Variants in C1orf210 observed in about 807,000 individuals in gnomAD.
C1orf210 encodes chromosome 1 open reading frame 210.
C1orf210 carries 3 observed loss-of-function variants against 3.7 expected under a neutral mutation model. The observed-to-expected ratio is 0.81, with a 90% CI of 0.37 to 2.08. The LOEUF is 2.08. Ranked by LOEUF, C1orf210 falls within the 30% of genes most tolerant of loss-of-function variation. The probability of loss-of-function intolerance (pLI) is 0.06; values close to 1 mark genes in which losing one functional copy is unlikely to be tolerated. For synonymous variants in C1orf210, 62 were observed against 61.7 expected, an observed-to-expected ratio of 1.00 and a Z score of -0.02; for missense variants, 143 against 147.7, an observed-to-expected ratio of 0.97 and a Z score of 0.17.
intron 1 of C1orf210, among the ~76,000 whole-genome samples, chr1:43,284,888 G>A (rs371897493): frequency 2.0e-5 from 3 of 152,178 alleles, no homozygotes; most frequent in East Asian, 3.9e-4. Context: ...GGTTGTCCCT[G>A]GACCTACCCT....
Position 43,283,040 on chromosome 1 carries a change from C to A in C1orf210, c.87G>T (p.Arg29=). 6.2e-7 allele frequency: 1 copy of A among 1,614,102 alleles called. No homozygotes were observed. Among genetic ancestry groups the A allele is most frequent in the Non-Finnish European group, 8.5e-7 (1 of 1,179,964 alleles). The change falls in exon 3 of 3, where the codon CGG becomes CGT. Residue 29 remains arginine (R), a synonymous_variant. Coordinates refer to ENST00000523677, the MANE Select transcript of C1orf210 (RefSeq NM_182517.3). ...CAAATCCTACCAGCACAGGCCATGC[C>A]CGAGCCCCAGTGCCTGGGCCAGGGG... ...AVAPGPGTGA[R]AWPVLVGFVL...
At chr1:43,284,099 C>A (rs895189496) in intron 1 of C1orf210, among the ~76,000 whole-genome samples, 1 of 152,158 alleles carries the variant, frequency 6.6e-6, no homozygotes, top group Non-Finnish European at 1.5e-5. Context: ...AAATTATCAC[C>A]CAGGGCTGGG....
upstream of C1orf210, among the ~76,000 whole-genome samples, chr1:43,285,836 G>T (rs948719036): frequency 1.4e-4 from 21 of 152,246 alleles, no homozygotes; most frequent in Admixed American, 1.3e-3. Context: ...CGTCCAGCGG[G>T]CCCTAGAGGG....
At chr1:43,285,735 C>G (rs1646576003), upstream of C1orf210, 1 of 152,314 alleles carries the variant, frequency 6.6e-6, no homozygotes. Context: ...AATTCTACCT[C>G]TCCCCCAAGC....
chr1:43,282,899 G>T lies in C1orf210; in HGVS notation c.228C>A (p.Gly76=), dbSNP rs1646555626. ...HRPLPETGRG[G]RPQVAEDEDD... ...CCTCATCTTCAGCCACCTGTGGGCG[G>T]CCTCCCCTTCCTGTCTCAGGCAGTG... The change falls in exon 3 of 3, where the codon GGC becomes GGA. Residue 76 remains glycine (G), a synonymous_variant. Transcript: ENST00000523677. The T allele has an allele frequency of 1.9e-6, 3 of 1,613,988 alleles. No individual in the cohort carries two copies. Among genetic ancestry groups the T allele is most frequent in the Non-Finnish European group, 2.5e-6 (3 of 1,179,960 alleles).
intron 1 of C1orf210, among the ~76,000 whole-genome samples, chr1:43,284,491 T>C (rs1206485692): frequency 1.3e-5 from 2 of 151,984 alleles, no homozygotes; most frequent in African/African-American, 4.8e-5. Flanking sequence ...TAAACATCTC[T>C]GGAATGACAA....
intron 1 of C1orf210, among the ~76,000 whole-genome samples, chr1:43,284,953 T>C (rs746914046): frequency 3.4e-4 from 51 of 152,220 alleles, no homozygotes; most frequent in Non-Finnish European, 5.1e-4. Flanking sequence ...CAGTCATTGC[T>C]AGGCGGGCAG....
At position 43,281,926 on chromosome 1, in the gene C1orf210, AC is replaced by A. The variant is rs1174143358; in HGVS notation, c.*858del. ...ATAGATTTATTAATTCCTGTGAAAA[AC>A]ATATTATAACCGGATTACCCACTTT... On this transcript the variant is annotated 3_prime_UTR_variant, in exon 3 of 3. Coordinates refer to ENST00000523677, the MANE Select transcript of C1orf210 (RefSeq NM_182517.3). 1 of 152,130 alleles carries A rather than the reference AC, an allele frequency of 6.6e-6. No homozygotes were observed. The highest frequency in any genetic ancestry group is 2.4e-5 in the African/African-American group (1 of 41,416). 9.4% of individuals were successfully genotyped at this position (152,130 alleles called of 1,614,324 possible). A position where few individuals can be genotyped will look rare whatever the true frequency, so the allele number is the denominator to read the frequency against.
chr1:43,283,517 A>G, intron 1 of C1orf210, 149 bp from the exon 2 acceptor site: 1 of 458,784 alleles, frequency 2.2e-6, no homozygotes. Context: ...AGCTGAGCCT[A>G]CAGAAACTGG....
At position 43,281,904 on chromosome 1, in the gene C1orf210, GATTT is replaced by G. The variant is rs926376215; in HGVS notation, c.*877_*880del. On this transcript the variant is annotated 3_prime_UTR_variant, in exon 3 of 3. Transcript: ENST00000523677. ...TTTATTTTTATTCAAAATGAAAATA[GATTT>G]ATTAATTCCTGTGAAAAACATATTA... 16 of 152,234 alleles carry G rather than the reference GATTT, an allele frequency of 1.1e-4. No homozygotes were observed. Among genetic ancestry groups the G allele is most frequent in the African/African-American group, 3.9e-4 (16 of 41,544 alleles). 9.4% of individuals were successfully genotyped at this position (152,234 alleles called of 1,614,324 possible).
In C1orf210 at chr1:43,282,893, TG is replaced by T. The variant is rs777202742; in HGVS notation, c.233del (p.Pro78HisfsTer50). ...PLPETGRGGR[P>X]QVAEDEDDDG... is the part of the protein sequence containing the mutation. Reference sequence around the variant, plus strand: ...CATCATCCTCATCTTCAGCCACCTGTGGGCGGCCTCCCCTTCCTGTCTCAGG... The same window carrying T: ...CATCATCCTCATCTTCAGCCACCTGTGGCGGCCTCCCCTTCCTGTCTCAGG... On this transcript the variant is annotated frameshift_variant, in exon 3 of 3. Transcript: ENST00000523677. LOFTEE classifies it high-confidence loss of function. The T allele has an allele frequency of 1.2e-6, 2 of 1,614,138 alleles. No homozygotes were observed. Among genetic ancestry groups the T allele is most frequent in the Admixed American group, 3.3e-5 (2 of 60,020 alleles).
intron 2 of C1orf210, 53 bp downstream of exon 2, chr1:43,283,199 C>G: frequency 6.2e-7 from 1 of 1,603,514 alleles, no homozygotes; most frequent in South Asian, 1.1e-5. Flanking sequence ...TCCCCCAACC[C>G]CAGCATCTAA....
intron 1 of C1orf210, among the ~76,000 whole-genome samples, chr1:43,284,347 G>A (rs1410169508): frequency 7.2e-5 from 11 of 152,106 alleles, no homozygotes; most frequent in Non-Finnish European, 1.5e-4. Context: ...TGGGGGCAGA[G>A]TAGCCGGGCT....
chr1:43,283,814 C>T (rs933952674), intron 1 of C1orf210, among the ~76,000 whole-genome samples: 3 of 152,066 alleles, frequency 2.0e-5, no homozygotes, highest in East Asian at 1.9e-4. Context: ...TCCTGGCTCC[C>T]GAAGGTCAGA....
At position 43,283,080 on chromosome 1, in the gene C1orf210, G is replaced by A. The variant is rs780374314; in HGVS notation, c.47C>T (p.Thr16Ile). 2.2e-5 allele frequency: 35 copies of A among 1,613,776 alleles called. No homozygotes were observed. The highest frequency in any genetic ancestry group is 2.7e-5 in the Non-Finnish European group (32 of 1,179,788). ...KTLVGPSELP[T>I]ASAVAPGPGT... ...TGGGCCAGGGGCCACAGCAGACGCT[G>A]TGGGGAGCTCCGAAGGCCCAACAAG... Residue 16 changes from threonine to isoleucine, a missense_variant, in exon 3 of 3, where the codon ACA (threonine) becomes ATA (isoleucine). Thr to Ile is a moderately conservative substitution (Grantham distance 89). Transcript: ENST00000523677.
At chr1:43,284,463 C>A (rs1646567275) in intron 1 of C1orf210, among the ~76,000 whole-genome samples, 2 of 152,114 alleles carry the variant, frequency 1.3e-5, no homozygotes, top group South Asian at 4.2e-4. Flanking sequence ...TGGTATCAAT[C>A]CCCATCATGT....
chr1:43,282,017 C>T lies in C1orf210; in HGVS notation c.*768G>A, dbSNP rs1280178519. The T allele has an allele frequency of 1.3e-5, 2 of 152,230 alleles. No individual in the cohort carries two copies. Among genetic ancestry groups the T allele is most frequent in the African/African-American group, 2.4e-5 (1 of 41,460 alleles). 9.4% of individuals were successfully genotyped at this position (152,230 alleles called of 1,614,324 possible). A position where few individuals can be genotyped will look rare whatever the true frequency, so the allele number is the denominator to read the frequency against. ...TGGTGGCTCACGCCTGTAATCCCAG[C>T]ACTTTGGGAGGCCGAGGAAGGCGGA... On this transcript the variant is annotated 3_prime_UTR_variant, in exon 3 of 3. Transcript: ENST00000523677.
At position 43,283,046 on chromosome 1, in the gene C1orf210, C is replaced by G; in HGVS notation, c.81G>C (p.Gly27=). ...ASAVAPGPGT[G]ARAWPVLVGF... ...CTACCAGCACAGGCCATGCCCGAGC[C>G]CCAGTGCCTGGGCCAGGGGCCACAG... Residue 27 remains glycine (G), a synonymous_variant, in exon 3 of 3, where the codon GGG becomes GGC. Coordinates refer to ENST00000523677, the MANE Select transcript of C1orf210 (RefSeq NM_182517.3). 6.2e-7 allele frequency: 1 copy of G among 1,614,128 alleles called. No individual in the cohort carries two copies. Among genetic ancestry groups the G allele is most frequent in the Non-Finnish European group, 8.5e-7 (1 of 1,179,980 alleles).
At position 43,283,103 on chromosome 1, in the gene C1orf210, A is replaced by G; in HGVS notation, c.24T>C (p.Leu8=). 6.2e-7 allele frequency: 1 copy of G among 1,612,410 alleles called. No individual in the cohort carries two copies. Among genetic ancestry groups the G allele is most frequent in the Non-Finnish European group, 8.5e-7 (1 of 1,178,970 alleles). The part of the protein sequence containing the change: MNETNKT[L]VGPSELPTAS... The stretch of plus-strand genomic sequence containing the variant: ...CTGTGGGGAGCTCCGAAGGCCCAAC[A>G]AGTGCTGCAGAGAAAGGGACAGCAT... Residue 8 remains leucine (L), a synonymous_variant, in exon 3 of 3, where the codon CTT becomes CTC. Coordinates refer to ENST00000523677, the MANE Select transcript of C1orf210 (RefSeq NM_182517.3).
Sources: allele counts gnomAD v4.1 joint callset (sites outside exome capture counted in the v4.1 genomes callset), GRCh38; gene constraint gnomAD v4.1.1; transcripts MANE v1.5; gene names NCBI Gene and HGNC (gene_info 2026-07-23, HGNC 2026-07-21).